Variants in COL24A1 observed in about 807,000 individuals in gnomAD.
The protein encoded by COL24A1 is collagen type XXIV alpha 1 chain, also known as collagen alpha-1(XXIV) chain.
Under a neutral mutation model 253.9 loss-of-function variants are expected in COL24A1, and 224 were observed. The observed-to-expected ratio is 0.88, with a 90% CI of 0.79 to 0.99. The LOEUF (loss-of-function observed/expected upper bound fraction) is 0.99. Among genes scored for constraint, COL24A1 ranks in the 50% least tolerant of loss-of-function variants. The probability of loss-of-function intolerance (pLI) is 0.00; values close to 1 mark genes in which losing one functional copy is unlikely to be tolerated. For missense variants in COL24A1, 2,131 were observed against 2,068.5 expected (o/e 1.03, Z -0.59); for synonymous variants, 685 against 673.7 (o/e 1.02, Z -0.26).
In COL24A1 at chr1:86,078,872, G is replaced by A. The variant is rs56165903; in HGVS notation, c.1707+10302C>T. ...AAGAATCAATATTTTTAAGATGTCC[G>A]TACTGCCCAAAGTAATCTACAGATT... On this transcript the variant is annotated intron_variant, in intron 7 of 59. Transcript: ENST00000370571. Among the ~76,000 whole-genome samples, 623 of 152,046 alleles carry A rather than the reference G, an allele frequency of 4.1e-3. 4 individuals carry two copies. Among genetic ancestry groups the A allele is most frequent in the African/African-American group, 0.014 (583 of 41,518 alleles).
intron 21 of COL24A1, among the ~76,000 whole-genome samples, chr1:85,970,697 G>T (rs1293381519): frequency 2.0e-5 from 3 of 151,830 alleles, no homozygotes; most frequent in Non-Finnish European, 4.4e-5. Flanking sequence ...TATTTATTTG[G>T]TAAATATTTT....
intron 39 of COL24A1, among the ~76,000 whole-genome samples, chr1:85,844,676 AAATT>A (rs2102280746): frequency 6.6e-6 from 1 of 152,118 alleles, no homozygotes; most frequent in African/African-American, 2.4e-5. Context: ...AAAGGAAAAA[AAATT>A]AATTATAAGA....
intron 1 of COL24A1, among the ~76,000 whole-genome samples, chr1:86,149,310 T>C (rs1449528389): frequency 1.3e-5 from 2 of 152,342 alleles, no homozygotes; most frequent in East Asian, 1.9e-4. Context: ...CTGATTCTAA[T>C]GTGCAAACAA....
intron 13 of COL24A1, among the ~76,000 whole-genome samples, chr1:86,032,451 A>C (rs1346415323): frequency 1.3e-5 from 2 of 152,180 alleles, no homozygotes; most frequent in Non-Finnish European, 2.9e-5. Flanking sequence ...CACCATAAAA[A>C]TGTATAAAAT....
chr1:86,099,201 G>A (rs965798744), intron 5 of COL24A1, among the ~76,000 whole-genome samples: 11 of 152,044 alleles, frequency 7.2e-5, no homozygotes, highest in Admixed American at 1.3e-4. Flanking sequence ...ATATATTTCC[G>A]AGTGATAATG....
At chr1:85,882,325 A>G (rs1191904240) in intron 32 of COL24A1, among the ~76,000 whole-genome samples, 6 of 152,100 alleles carry the variant, frequency 3.9e-5, no homozygotes, top group East Asian at 1.9e-4. Context: ...TTAGCCGGGC[A>G]TGGTGGCGGG....
intron 33 of COL24A1, 133 bp downstream of exon 33, chr1:85,876,989 T>C (rs1681246740): frequency 1.8e-6 from 1 of 554,840 alleles, no homozygotes; most frequent in African/African-American, 2.0e-5. Context: ...TTAATGGAAT[T>C]TTAGTTTTTT....
At chr1:85,747,152 C>T (rs1369916173) in intron 55 of COL24A1, among the ~76,000 whole-genome samples, 2 of 147,860 alleles carry the variant, frequency 1.4e-5, no homozygotes, top group African/African-American at 5.0e-5. Flanking sequence ...CGCTCTGTCA[C>T]CCAGGCTGAA....
intron 47 of COL24A1, among the ~76,000 whole-genome samples, chr1:85,789,269 C>T (rs1670023482): frequency 6.6e-6 from 1 of 152,162 alleles, no homozygotes. Flanking sequence ...TGAAGAGGTC[C>T]TTTATTTCCC....
At chr1:85,901,570 GA>G (rs1052397004) in intron 28 of COL24A1, among the ~76,000 whole-genome samples, 1 of 151,926 alleles carries the variant, frequency 6.6e-6, no homozygotes, top group African/African-American at 2.4e-5. Context: ...AGCACTTTGG[GA>G]GGCCAAGGCG....
At position 86,112,626 on chromosome 1, in the gene COL24A1, A is replaced by G; in HGVS notation, c.1546-6T>C. On this transcript the variant is annotated splice_region_variant and splice_polypyrimidine_tract_variant and intron_variant, in intron 4 of 59. Transcript: ENST00000370571. The stretch of plus-strand genomic sequence containing the variant: ...CCATGTGGCCCTGGTATGCCCTGCA[A>G]GTAACGAAAAAAGTCATCATTCTTG... 6.2e-7 allele frequency: 1 copy of G among 1,612,768 alleles called. No homozygotes were observed. Among genetic ancestry groups the G allele is most frequent in the Non-Finnish European group, 8.5e-7 (1 of 1,179,148 alleles).
intron 37 of COL24A1, among the ~76,000 whole-genome samples, chr1:85,853,450 T>C (rs898620604): frequency 1.4e-4 from 21 of 152,226 alleles, no homozygotes; most frequent in African/African-American, 4.6e-4. Flanking sequence ...CATGCATCTT[T>C]ATGGTAGAAC....
chr1:86,111,060 C>T (rs1033329235), intron 5 of COL24A1, among the ~76,000 whole-genome samples: 6 of 152,222 alleles, frequency 3.9e-5, no homozygotes, highest in African/African-American at 1.4e-4. Flanking sequence ...AAGGATTGTA[C>T]ATGCGCCAAT....
chr1:85,927,390 G>C (rs1220449218), intron 24 of COL24A1, among the ~76,000 whole-genome samples: 1 of 149,236 alleles, frequency 6.7e-6, no homozygotes, highest in Non-Finnish European at 1.5e-5. Context: ...AAGAAACGGC[G>C]CACCACGAGA....
chr1:86,139,540 GT>G (rs1303403136), intron 2 of COL24A1, among the ~76,000 whole-genome samples: 1 of 152,138 alleles, frequency 6.6e-6, no homozygotes, highest in African/African-American at 2.4e-5. Flanking sequence ...GTAATTGGTA[GT>G]TTAAAATACT....
chr1:85,922,924 T>C (rs1367826348), intron 24 of COL24A1, among the ~76,000 whole-genome samples: 2 of 152,018 alleles, frequency 1.3e-5, no homozygotes, highest in Non-Finnish European at 2.9e-5. Context: ...AGGAGACCCA[T>C]CTCACATGCA....
At chr1:85,842,437 A>G (rs1186028281) in intron 39 of COL24A1, 44 bp from the exon 40 acceptor site, 1 of 1,292,622 alleles carries the variant, frequency 7.7e-7, no homozygotes, top group African/African-American at 1.5e-5. Flanking sequence ...AAAGTAAAGA[A>G]TTGTTTAAAT....
At chr1:86,069,486 G>A (rs894016408) in intron 7 of COL24A1, among the ~76,000 whole-genome samples, 7 of 152,082 alleles carry the variant, frequency 4.6e-5, no homozygotes, top group Admixed American at 3.3e-4. Context: ...TTCAATCACT[G>A]GCTCCCACAC....
chr1:86,000,967 T>C (rs1054564048), intron 19 of COL24A1, among the ~76,000 whole-genome samples: 1 of 152,232 alleles, frequency 6.6e-6, no homozygotes, highest in Non-Finnish European at 1.5e-5. Flanking sequence ...GATATGACTA[T>C]GCTTAAAGAA....
Sources: gnomAD v4.1 joint callset for allele counts (sites outside exome capture counted in the v4.1 genomes callset) on GRCh38, gnomAD v4.1.1 for gene constraint, MANE v1.5 for transcripts, NCBI Gene and HGNC (gene_info 2026-07-23, HGNC 2026-07-21) for gene names.